NRXN3: variants seen among roughly 807,000 people sequenced by gnomAD.
The protein encoded by NRXN3 is neurexin III.
A neutral mutation model predicts 137.6 loss-of-function variants in NRXN3; 32 were observed. The ratio of observed to expected loss-of-function variants is 0.23; its 90% CI spans 0.18 to 0.31. The LOEUF (loss-of-function observed/expected upper bound fraction) is 0.31. Among genes scored for constraint, NRXN3 ranks in the 10% least tolerant of loss-of-function variants. NRXN3 has a pLI of 1.00. For missense variants in NRXN3, 1,574 were observed against 2,062.5 expected, an observed-to-expected ratio of 0.76 and a Z score of 4.59; for synonymous variants, 798 against 784.5, an observed-to-expected ratio of 1.02 and a Z score of -0.29.
intron 15 of NRXN3, among the ~76,000 whole-genome samples, chr14:79,079,333 C>A (rs922893089): frequency 2.0e-5 from 3 of 152,096 alleles, no homozygotes; most frequent in African/African-American, 7.2e-5. Context: ...TAAGCATGTC[C>A]TTTTCTCATT....
intron 8 of NRXN3, among the ~76,000 whole-genome samples, chr14:78,797,514 A>G (rs1298509570): frequency 1.3e-5 from 2 of 152,224 alleles, no homozygotes; most frequent in Non-Finnish European, 2.9e-5. Flanking sequence ...ATGATTCATC[A>G]AGTAGATAAT....
chr14:78,606,524 C>T (rs1023474219), intron 4 of NRXN3, among the ~76,000 whole-genome samples: 1 of 152,194 alleles, frequency 6.6e-6, no homozygotes, highest in Non-Finnish European at 1.5e-5. Flanking sequence ...TCTGATAGCA[C>T]ATTGTATTTA....
intron 14 of NRXN3, among the ~76,000 whole-genome samples, chr14:78,981,508 C>A (rs975173046): frequency 6.6e-6 from 1 of 152,090 alleles, no homozygotes; most frequent in Non-Finnish European, 1.5e-5. Context: ...GAAGTCTTTG[C>A]CTTTTGATTC....
chr14:78,924,249 A>C (rs1167554397), intron 10 of NRXN3, among the ~76,000 whole-genome samples: 1 of 152,238 alleles, frequency 6.6e-6, no homozygotes, highest in Non-Finnish European at 1.5e-5. Flanking sequence ...AAAAACAAAC[A>C]AACAAAAAAA....
At chr14:78,718,343 A>G (rs1383140284) in intron 8 of NRXN3, among the ~76,000 whole-genome samples, 3 of 152,164 alleles carry the variant, frequency 2.0e-5, no homozygotes, top group Non-Finnish European at 2.9e-5. Flanking sequence ...AGAAAGAAGC[A>G]CTTGTGTATA....
chr14:79,549,214 G>A (rs1270614698), intron 16 of NRXN3, among the ~76,000 whole-genome samples: 1 of 152,024 alleles, frequency 6.6e-6, no homozygotes, highest in African/African-American at 2.4e-5. Flanking sequence ...AAAAACAGAA[G>A]ACAAAACCTC....
chr14:78,721,234 A>G (rs966807862), intron 8 of NRXN3, among the ~76,000 whole-genome samples: 2 of 152,160 alleles, frequency 1.3e-5, no homozygotes, highest in Non-Finnish European at 2.9e-5. Flanking sequence ...AAGGTCAAAT[A>G]TAATAATGGT....
intron 4 of NRXN3, among the ~76,000 whole-genome samples, chr14:78,438,696 C>T (rs556802282): frequency 6.6e-6 from 1 of 152,152 alleles, no homozygotes; most frequent in East Asian, 1.9e-4. Context: ...GAGAAGGTCA[C>T]CAAAGCCTAG....
At chr14:79,419,365 C>T (rs2095542993) in intron 15 of NRXN3, among the ~76,000 whole-genome samples, 1 of 152,090 alleles carries the variant, frequency 6.6e-6, no homozygotes, top group East Asian at 1.9e-4. Flanking sequence ...GTTACATAAA[C>T]CATTTCCTTA....
intron 15 of NRXN3, among the ~76,000 whole-genome samples, chr14:79,376,848 A>G (rs1292052775): frequency 1.3e-5 from 2 of 152,162 alleles, no homozygotes; most frequent in Non-Finnish European, 2.9e-5. Context: ...TCAGATTTAC[A>G]CCCAAGTAGC....
intron 4 of NRXN3, among the ~76,000 whole-genome samples, chr14:78,538,804 T>C (rs1421722816): frequency 6.6e-6 from 1 of 152,236 alleles, no homozygotes; most frequent in African/African-American, 2.4e-5. Flanking sequence ...ACCTAGTTTA[T>C]TGAGAGTTTT....
At chr14:78,562,274 G>A (rs1304276161) in intron 4 of NRXN3, among the ~76,000 whole-genome samples, 1 of 151,792 alleles carries the variant, frequency 6.6e-6, no homozygotes, top group African/African-American at 2.4e-5. Flanking sequence ...GCACACCCCT[G>A]TAGTCCCGGC....
At chr14:78,758,750 G>T (rs147109912) in intron 8 of NRXN3, among the ~76,000 whole-genome samples, 1 of 152,092 alleles carries the variant, frequency 6.6e-6, no homozygotes, top group African/African-American at 2.4e-5. Context: ...TACCTCTAGG[G>T]TTTACTTTGT....
chr14:79,217,025 T>A (rs532844079), intron 15 of NRXN3, among the ~76,000 whole-genome samples: 15 of 152,078 alleles, frequency 9.9e-5, no homozygotes, highest in African/African-American at 3.4e-4. Context: ...TAGTCCCAGC[T>A]ACCCGGGAGG....
At position 79,475,519 on chromosome 14, in the gene NRXN3, G is replaced by A. The variant is rs114581733; in HGVS notation, c.3444+8117G>A. ...TGTCAGGAAAAGTGCTGTGTGTTGA[G>A]GGTACTGTGACCAACCTTGGCTTGC... On this transcript the variant is annotated intron_variant, in intron 16 of 20. Coordinates refer to ENST00000335750, the MANE Select transcript of NRXN3 (RefSeq NM_001330195.2). Among the ~76,000 whole-genome samples the A allele has an allele frequency of 6.5e-3, 982 of 152,160 alleles. 13 individuals carry two copies. The highest frequency in any genetic ancestry group is 0.023 in the African/African-American group (949 of 41,520).
At chr14:79,411,749 T>A (rs2095420631) in intron 15 of NRXN3, among the ~76,000 whole-genome samples, 1 of 152,200 alleles carries the variant, frequency 6.6e-6, no homozygotes, top group African/African-American at 2.4e-5. Flanking sequence ...ATTGACATAT[T>A]TATTCAACAA....
At chr14:78,353,837 T>C (rs1293590459) in intron 4 of NRXN3, among the ~76,000 whole-genome samples, 1 of 152,170 alleles carries the variant, frequency 6.6e-6, no homozygotes, top group Non-Finnish European at 1.5e-5. Context: ...ACTACAGTCC[T>C]GAACTTCTGG....
At chr14:78,313,853 A>G (rs1279207658) in intron 4 of NRXN3, among the ~76,000 whole-genome samples, 1 of 152,206 alleles carries the variant, frequency 6.6e-6, no homozygotes, top group Admixed American at 6.5e-5. Flanking sequence ...AAGCTAACAC[A>G]TATTAAATGC....
intron 15 of NRXN3, among the ~76,000 whole-genome samples, chr14:79,402,309 G>A (rs2095223155): frequency 6.6e-6 from 1 of 152,108 alleles, no homozygotes. Flanking sequence ...TATACAACAT[G>A]TACTACGCTA....
Sources: gnomAD v4.1 joint callset for allele counts (sites outside exome capture counted in the v4.1 genomes callset) on GRCh38, gnomAD v4.1.1 for gene constraint, MANE v1.5 for transcripts, NCBI Gene and HGNC (gene_info 2026-07-23, HGNC 2026-07-21) for gene names.